The following TIGD1 variants were observed in gnomAD, a reference collection of about 807,000 sequenced individuals.
TIGD1 encodes tigger transposable element derived 1.
In TIGD1, 20 loss-of-function variants were observed where a neutral mutation model predicts 21.3. That is an observed-to-expected ratio of 0.94 (90% CI 0.66 to 1.36). TIGD1 has a LOEUF of 1.36. Ranked by LOEUF, TIGD1 falls within the 40% of genes most tolerant of loss-of-function variation. The pLI, the probability that TIGD1 is intolerant of heterozygous loss-of-function variation, is 0.00. For missense variants in TIGD1, 556 were observed against 350.5 expected, an observed-to-expected ratio of 1.59 and a Z score of -4.68; for synonymous variants, 177 against 123.2, an observed-to-expected ratio of 1.44 and a Z score of -2.89.
chr2:232,544,346 G>A lies in TIGD1; in HGVS notation c.*3761C>T, dbSNP rs566784629. 159 of 1,602,574 alleles carry A rather than the reference G, an allele frequency of 9.9e-5. 1 individual carries two copies. In the South Asian group the frequency reaches 1.6e-3, roughly 16 times the overall value. ...CTCTGAAGCTCGGCCTGCTGCCCTA[G>A]TGAAGCCACCCCCTCTCTAGGTGTT... On this transcript the variant is annotated 3_prime_UTR_variant, in exon 1 of 1. Transcript: ENST00000408957.
At position 232,544,658 on chromosome 2, in the gene TIGD1, C is replaced by A; in HGVS notation, c.*3449G>T. On this transcript the variant is annotated 3_prime_UTR_variant, in exon 1 of 1. Coordinates refer to ENST00000408957, the MANE Select transcript of TIGD1 (RefSeq NM_145702.4). The stretch of plus-strand genomic sequence containing the variant: ...GGGAGCCAGGCACAGCAGATGAGTG[C>A]TGGAGAAGTGCCCAGGTCAGGGAGA... 6.4e-7 allele frequency: 1 copy of A among 1,563,620 alleles called. No homozygotes were observed. Among genetic ancestry groups the A allele is most frequent in the Non-Finnish European group, 8.8e-7 (1 of 1,136,134 alleles).
Position 232,547,992 on chromosome 2 carries a change from A to G in TIGD1, c.*115T>C. ...GAATGTTTTTGGTTTCCCAATGCATATAAAAGTTATGTTTACACTATACTG... is the reference window on the plus strand; with the variant it reads ...GAATGTTTTTGGTTTCCCAATGCATGTAAAAGTTATGTTTACACTATACTG... On this transcript the variant is annotated 3_prime_UTR_variant, in exon 1 of 1. Transcript: ENST00000408957. 2.2e-6 allele frequency: 1 copy of G among 454,064 alleles called. No individual in the cohort carries two copies. Among genetic ancestry groups the G allele is most frequent in the African/African-American group, 2.0e-5 (1 of 49,304 alleles). 28.1% of individuals were successfully genotyped at this position (454,064 alleles called of 1,614,324 possible). A position where few individuals can be genotyped will look rare whatever the true frequency, so the allele number is the denominator to read the frequency against.
Position 232,544,901 on chromosome 2 carries a change from A to G in TIGD1, c.*3206T>C. On this transcript the variant is annotated 3_prime_UTR_variant, in exon 1 of 1. Coordinates refer to ENST00000408957, the MANE Select transcript of TIGD1 (RefSeq NM_145702.4). ...CGGCACCAGCAGAGTCACTTTGACA[A>G]TGTAAGCTGAGTCAGGGTGGGGTGG... 1 of 1,613,832 alleles carries G rather than the reference A, an allele frequency of 6.2e-7. No individual in the cohort carries two copies. Among genetic ancestry groups the G allele is most frequent in the Non-Finnish European group, 8.5e-7 (1 of 1,179,936 alleles).
rs777563686 is a variant in TIGD1 at position 232,545,755 on chromosome 2, G to A, written c.*2352C>T. 1.2e-5 allele frequency: 19 copies of A among 1,607,862 alleles called. No homozygotes were observed. Among genetic ancestry groups the A allele is most frequent in the African/African-American group, 8.0e-5 (6 of 74,840 alleles). Reference sequence around the variant, plus strand: ...TGTGGGGCATGTGGGAGTCACACACGTGGGTCACACTGAGTCTTATCAGCC... The same window carrying A: ...TGTGGGGCATGTGGGAGTCACACACATGGGTCACACTGAGTCTTATCAGCC... On this transcript the variant is annotated 3_prime_UTR_variant, in exon 1 of 1. Coordinates refer to ENST00000408957, the MANE Select transcript of TIGD1 (RefSeq NM_145702.4).
rs1442396017 is a variant in TIGD1 at position 232,549,395 on chromosome 2, G to A, written c.488C>T (p.Ala163Val). The A allele has an allele frequency of 1.6e-6, 1 of 636,512 alleles. No homozygotes were observed. The highest frequency in any genetic ancestry group is 2.8e-6 in the Non-Finnish European group (1 of 356,198). The allele number at this position is 636,512 out of a possible 1,614,324, so 39.4% of individuals were successfully genotyped here. Residue 163 changes from alanine (A) to valine (V), a missense_variant, in exon 1 of 1, where the codon GCA (alanine) becomes GTA (valine). By Grantham distance (64) the Ala-to-Val change is moderately conservative. Transcript: ENST00000408957. ...CTTAGCTAAAGCTTCTGGATAACTT[G>A]CTGCAGCTTCTACATCAGCACTTGC... ...EAASADVEAA[A>V]SYPEALAKII...
rs534987124 is a variant in TIGD1, at chr2:232,548,122, G to C, written c.1761C>G (p.Thr587=). The part of the protein sequence containing the change: ...DPPPAKRVRL[T]EGSD ...ATGCTGATTATCAATCTGAGCCTTC[G>C]GTGAGTCGTACTCTTTTTGCTGGTG... The change falls in exon 1 of 1, where the codon ACC becomes ACG. Residue 587 remains threonine, a synonymous_variant. Transcript: ENST00000408957. The C allele has an allele frequency of 2.5e-6, 2 of 798,932 alleles. No individual in the cohort carries two copies. The highest frequency in any genetic ancestry group is 3.8e-6 in the Non-Finnish European group (2 of 523,184). 49.5% of individuals were successfully genotyped at this position (798,932 alleles called of 1,614,324 possible). A position where few individuals can be genotyped will look rare whatever the true frequency, so the allele number is the denominator to read the frequency against.
Position 232,545,417 on chromosome 2 carries a change from G to A in TIGD1, c.*2690C>T, listed in dbSNP as rs566656049. 34 of 887,634 alleles carry A rather than the reference G, an allele frequency of 3.8e-5. No individual in the cohort carries two copies. The highest frequency in any genetic ancestry group is 3.3e-4 in the South Asian group (23 of 70,434). 55.0% of individuals were successfully genotyped at this position (887,634 alleles called of 1,614,324 possible). ...TGGAATTAGCCACCAGTTGGGACCC[G>A]GACATAGGTAAGAAGGGCCCCAGGA... is the stretch of plus-strand genomic sequence containing the variant. On this transcript the variant is annotated 3_prime_UTR_variant, in exon 1 of 1. Transcript: ENST00000408957.
In TIGD1 at chr2:232,549,841, A is replaced by T; in HGVS notation, c.42T>A (p.Ser14=). 6.5e-7 allele frequency: 1 copy of T among 1,536,558 alleles called. No individual in the cohort carries two copies. The highest frequency in any genetic ancestry group is 8.8e-7 in the Non-Finnish European group (1 of 1,139,768). ...KCSSERKSRT[S]LTLNQKLEMI... is the part of the protein sequence containing the mutation. Reference sequence around the variant, plus strand: ...TTTCTAGTTTTTGATTTAAAGTGAGAGATGTGCGACTCTTCCTTTCACTTG... The same window carrying T: ...TTTCTAGTTTTTGATTTAAAGTGAGTGATGTGCGACTCTTCCTTTCACTTG... Residue 14 remains serine, a synonymous_variant, in exon 1 of 1, where the codon TCT becomes TCA. Coordinates refer to ENST00000408957, the MANE Select transcript of TIGD1 (RefSeq NM_145702.4).
rs1489026386 is a variant in TIGD1 at position 232,545,900 on chromosome 2, G to C, written c.*2207C>G. On this transcript the variant is annotated 3_prime_UTR_variant, in exon 1 of 1. Coordinates refer to ENST00000408957, the MANE Select transcript of TIGD1 (RefSeq NM_145702.4). ...CTGAGCTGGAGTCCGAGAGTGGTTG[G>C]GGGTGGGCCGTGGCTAGTGTCCTGC... The C allele has an allele frequency of 1.4e-6, 1 of 731,430 alleles. No individual in the cohort carries two copies. Among genetic ancestry groups the C allele is most frequent in the Admixed American group, 2.1e-5 (1 of 48,492 alleles). The allele number at this position is 731,430 out of a possible 1,614,324, so 45.3% of individuals were successfully genotyped here.
chr2:232,550,363 G>C lies in TIGD1; in HGVS notation c.-481C>G. The C allele has an allele frequency of 4.6e-6, 2 of 431,012 alleles. No individual in the cohort carries two copies. The highest frequency in any genetic ancestry group is 8.6e-6 in the Non-Finnish European group (2 of 232,594). 26.7% of individuals were successfully genotyped at this position (431,012 alleles called of 1,614,324 possible). On this transcript the variant is annotated 5_prime_UTR_variant, in exon 1 of 1. Transcript: ENST00000408957. ...ATACCAGAGAGTGCGTCCCGCACTG[G>C]AGGAAGAGGAAGGTTTTTACCAAGC...
At position 232,549,442 on chromosome 2, in the gene TIGD1, G is replaced by A. The variant is rs1389261947; in HGVS notation, c.441C>T (p.Asn147=). Residue 147 remains asparagine (N), a synonymous_variant, in exon 1 of 1, where the codon AAC becomes AAT. Coordinates refer to ENST00000408957, the MANE Select transcript of TIGD1 (RefSeq NM_145702.4). ...TTGCTGCTTCACCTTGTGCTTTTAT[G>A]TTATGGAAATGGCTTCTTTCCTTAA... ...MRFKERSHFH[N]IKAQGEAASA... 1.5e-6 allele frequency: 1 copy of A among 656,272 alleles called. No homozygotes were observed. Among genetic ancestry groups the A allele is most frequent in the South Asian group, 1.8e-5 (1 of 56,228 alleles). 40.7% of individuals were successfully genotyped at this position (656,272 alleles called of 1,614,324 possible). A position where few individuals can be genotyped will look rare whatever the true frequency, so the allele number is the denominator to read the frequency against.
Position 232,544,544 on chromosome 2 carries a change from C to G in TIGD1, c.*3563G>C. The G allele has an allele frequency of 1.9e-6, 3 of 1,613,686 alleles. No homozygotes were observed. Among genetic ancestry groups the G allele is most frequent in the Non-Finnish European group, 2.5e-6 (3 of 1,179,904 alleles). Reference sequence around the variant, plus strand: ...TGAACTCCTCTTCCAGCAGTGGCAGCGGCAAGGGCTGGTGGCGGCAGCGCT... The same window carrying G: ...TGAACTCCTCTTCCAGCAGTGGCAGGGGCAAGGGCTGGTGGCGGCAGCGCT... On this transcript the variant is annotated 3_prime_UTR_variant, in exon 1 of 1. Transcript: ENST00000408957.
chr2:232,545,854 G>A lies in TIGD1; in HGVS notation c.*2253C>T. ...AGGACTGTGTGAGCCAAACAGCCCT[G>A]AGAAAAGCTGGGGAAACAGTCTGAG... On this transcript the variant is annotated 3_prime_UTR_variant, in exon 1 of 1. Coordinates refer to ENST00000408957, the MANE Select transcript of TIGD1 (RefSeq NM_145702.4). 1.0e-6 allele frequency: 1 copy of A among 998,580 alleles called. No homozygotes were observed. The allele number at this position is 998,580 out of a possible 1,614,324, so 61.9% of individuals were successfully genotyped here. A position where few individuals can be genotyped will look rare whatever the true frequency, so the allele number is the denominator to read the frequency against.
In TIGD1 at chr2:232,544,918, G is replaced by A. The variant is rs1692096420; in HGVS notation, c.*3189C>T. On this transcript the variant is annotated 3_prime_UTR_variant, in exon 1 of 1. Coordinates refer to ENST00000408957, the MANE Select transcript of TIGD1 (RefSeq NM_145702.4). ...CTTTGACAATGTAAGCTGAGTCAGG[G>A]TGGGGTGGAGGTGGAGTGAGTACCT... is the stretch of plus-strand genomic sequence containing the variant. The A allele has an allele frequency of 6.2e-7, 1 of 1,613,654 alleles. No homozygotes were observed. The highest frequency in any genetic ancestry group is 1.3e-5 in the African/African-American group (1 of 74,906).
chr2:232,545,502 G>C lies in TIGD1; in HGVS notation c.*2605C>G, dbSNP rs758596936. Reference sequence around the variant, plus strand: ...GAGAACAGGACCCAGGGAAGACCTGGTGCCGCCGCTGGTTATCCCACACCT... The same window carrying C: ...GAGAACAGGACCCAGGGAAGACCTGCTGCCGCCGCTGGTTATCCCACACCT... On this transcript the variant is annotated 3_prime_UTR_variant, in exon 1 of 1. Transcript: ENST00000408957. 6.3e-7 allele frequency: 1 copy of C among 1,583,754 alleles called. No homozygotes were observed. The highest frequency in any genetic ancestry group is 1.1e-5 in the South Asian group (1 of 88,952).
At position 232,548,262 on chromosome 2, in the gene TIGD1, G is replaced by C. The variant is rs1447057500; in HGVS notation, c.1621C>G (p.Leu541Val). 7 of 1,542,490 alleles carry C rather than the reference G, an allele frequency of 4.5e-6. No homozygotes were observed. Among genetic ancestry groups the C allele is most frequent in the Non-Finnish European group, 6.1e-6 (7 of 1,146,190 alleles). ...REIFHERKSQ[L>V]MRKASPMSYF... Reference sequence around the variant, plus strand: ...GACATCGGTGAAGCTTTTCGCATGAGTTGACTCTTCCTTTCATGAAAGATT... The same window carrying C: ...GACATCGGTGAAGCTTTTCGCATGACTTGACTCTTCCTTTCATGAAAGATT... The change falls in exon 1 of 1, where the codon CTC (leucine) becomes GTC (valine). Residue 541 changes from leucine to valine, a missense_variant. Coordinates refer to ENST00000408957, the MANE Select transcript of TIGD1 (RefSeq NM_145702.4).
chr2:232,549,483 C>T lies in TIGD1; in HGVS notation c.400G>A (p.Gly134Ser). Reference sequence around the variant, plus strand: ...CTTTCCTTAAACCTCATGAACCAACCTCTGCTAGCTTCAAACTTTTCTTCT... The same window carrying T: ...CTTTCCTTAAACCTCATGAACCAACTTCTGCTAGCTTCAAACTTTTCTTCT... ...AAEEKFEASRGWFMRFKERSH... is the reference protein window; with the variant it reads ...AAEEKFEASRSWFMRFKERSH... The change falls in exon 1 of 1, where the codon GGT (glycine) becomes AGT (serine). Residue 134 changes from glycine (G) to serine (S), a missense_variant. Coordinates refer to ENST00000408957, the MANE Select transcript of TIGD1 (RefSeq NM_145702.4). The T allele has an allele frequency of 1.5e-6, 1 of 679,396 alleles. No homozygotes were observed. The highest frequency in any genetic ancestry group is 2.6e-6 in the Non-Finnish European group (1 of 377,918). The allele number at this position is 679,396 out of a possible 1,614,324, so 42.1% of individuals were successfully genotyped here.
Position 232,549,759 on chromosome 2 carries a change from G to A in TIGD1, c.124C>T (p.Leu42Phe). Residue 42 changes from leucine (L) to phenylalanine (F), a missense_variant, in exon 1 of 1, where the codon CTC (leucine) becomes TTC (phenylalanine). Transcript: ENST00000408957. Reference sequence around the variant, plus strand: ...ACTTGGCTAACTGTTTGCCGCAGGAGGCCTAGCCTTCGGCCTATCTCGGCT... The same window carrying A: ...ACTTGGCTAACTGTTTGCCGCAGGAAGCCTAGCCTTCGGCCTATCTCGGCT... ...SKAEIGRRLGLLRQTVSQVVN... is the reference protein window; with the variant it reads ...SKAEIGRRLGFLRQTVSQVVN... 1 of 1,421,066 alleles carries A rather than the reference G, an allele frequency of 7.0e-7. No homozygotes were observed. Among genetic ancestry groups the A allele is most frequent in the East Asian group, 2.5e-5 (1 of 40,348 alleles). 88.0% of individuals were successfully genotyped at this position (1,421,066 alleles called of 1,614,324 possible). A position where few individuals can be genotyped will look rare whatever the true frequency, so the allele number is the denominator to read the frequency against.
rs1450718680 is a variant in TIGD1, at chr2:232,550,496, G to C, written c.-614C>G. 6.8e-6 allele frequency: 4 copies of C among 585,268 alleles called. No individual in the cohort carries two copies. Among genetic ancestry groups the C allele is most frequent in the Non-Finnish European group, 1.2e-5 (4 of 329,558 alleles). The allele number at this position is 585,268 out of a possible 1,614,324, so 36.3% of individuals were successfully genotyped here. A position where few individuals can be genotyped will look rare whatever the true frequency, so the allele number is the denominator to read the frequency against. On this transcript the variant is annotated 5_prime_UTR_variant, in exon 1 of 1. Transcript: ENST00000408957. ...CTTAGGAGAGCGGGCGGGTCACAAG[G>C]ACCTGGACAGAGGCAGAACTGAGGC...
Sources: allele counts gnomAD v4.1 joint callset, GRCh38; gene constraint gnomAD v4.1.1; transcripts MANE v1.5; gene names NCBI Gene and HGNC (gene_info 2026-07-23, HGNC 2026-07-21).